Variants in GOLGA5 observed in about 807,000 individuals in gnomAD.
GOLGA5 encodes the protein golgin subfamily A member 5.
GOLGA5 carries 50 observed loss-of-function variants against 93.5 expected under a neutral mutation model. The observed-to-expected ratio is 0.53, with a 90% CI of 0.43 to 0.68. GOLGA5 has a LOEUF of 0.68. Ranked by LOEUF, GOLGA5 falls within the 30% of genes least tolerant of loss-of-function variation. The pLI is 0.00. For synonymous variants in GOLGA5, 312 were observed against 304.5 expected (o/e 1.02, Z -0.26); for missense variants, 760 against 856.4 (o/e 0.89, Z 1.40).
rs573418798 is a variant in GOLGA5, at chr14:92,839,586, C to CAA, written c.*141_*142dup. ...GCTTTTAACTTTTTAAGTTATTGTA[C>CAA]AAGTATTCTACCTAAATCTTCCAAT... is the stretch of plus-strand genomic sequence containing the variant. On this transcript the variant is annotated 3_prime_UTR_variant, in exon 13 of 13. Coordinates refer to ENST00000163416, the MANE Select transcript of GOLGA5 (RefSeq NM_005113.4). 3.2e-3 allele frequency: 1,971 copies of CAA among 615,272 alleles called. 10 individuals are homozygous for CAA. The highest frequency in any genetic ancestry group is 8.6e-3 in the South Asian group (428 of 49,704). 38.1% of individuals were successfully genotyped at this position (615,272 alleles called of 1,614,324 possible).
chr14:92,822,521 A>T (rs1212781749), intron 8 of GOLGA5, among the ~76,000 whole-genome samples: 2 of 152,226 alleles, frequency 1.3e-5, no homozygotes, highest in Non-Finnish European at 2.9e-5. Flanking sequence ...GCATTAGTGC[A>T]GTTGTTAATG....
chr14:92,800,048 G>A (rs1884835724), intron 2 of GOLGA5, among the ~76,000 whole-genome samples: 1 of 152,136 alleles, frequency 6.6e-6, no homozygotes, highest in African/African-American at 2.4e-5. Context: ...AAGACGTTTT[G>A]GGTTGTGAAA....
chr14:92,795,456 G>A (rs2140308343), intron 1 of GOLGA5, among the ~76,000 whole-genome samples: 1 of 152,330 alleles, frequency 6.6e-6, no homozygotes, highest in East Asian at 1.9e-4. Context: ...TTGAGTATCT[G>A]AGCTGCTGTC....
chr14:92,813,240 T>C (rs1187187027), intron 6 of GOLGA5, among the ~76,000 whole-genome samples: 1 of 152,224 alleles, frequency 6.6e-6, no homozygotes, highest in Non-Finnish European at 1.5e-5. Flanking sequence ...AAGTTACTTA[T>C]TGAGCACCTA....
At chr14:92,799,443 ATTTTT>A (rs386382181) in intron 2 of GOLGA5, among the ~76,000 whole-genome samples, 2 of 131,254 alleles carry the variant, frequency 1.5e-5, no homozygotes, top group East Asian at 4.4e-4. Flanking sequence ...CGCCTGGCTA[ATTTTT>A]TTTTTTTTTT....
Position 92,837,446 on chromosome 14 carries a change from T to C in GOLGA5, c.2112T>C (p.Tyr704=). 1.5e-6 allele frequency: 2 copies of C among 1,331,490 alleles called. No individual in the cohort carries two copies. Among genetic ancestry groups the C allele is most frequent in the Non-Finnish European group, 2.2e-6 (2 of 927,248 alleles). 82.5% of individuals were successfully genotyped at this position (1,331,490 alleles called of 1,614,324 possible). A position where few individuals can be genotyped will look rare whatever the true frequency, so the allele number is the denominator to read the frequency against. Residue 704 remains tyrosine, a synonymous_variant, in exon 12 of 13, where the codon TAT becomes TAC. Transcript: ENST00000163416. ...YPIARVFVII[Y]MALLHLWVMI... is the part of the protein sequence containing the mutation. ...TAGCGCGAGTTTTTGTAATTATATA[T>C]ATGGTAAGTAAATTTATTTGAAAAA...
rs781023627 is a variant in GOLGA5, at chr14:92,833,215, C to G, written c.1813C>G (p.Leu605Val). 6.2e-7 allele frequency: 1 copy of G among 1,612,990 alleles called. No homozygotes were observed. Among genetic ancestry groups the G allele is most frequent in the South Asian group, 1.1e-5 (1 of 91,058 alleles). ...TETLIQKQTM[L>V]ESLSTEKNSL... ...GACTCTCATCCAGAAACAGACCATGCTGGAGAGTCTCAGCACAGAAAAGAA... is the reference window on the plus strand; with the variant it reads ...GACTCTCATCCAGAAACAGACCATGGTGGAGAGTCTCAGCACAGAAAAGAA... Residue 605 changes from leucine to valine, a missense_variant, in exon 10 of 13, where the codon CTG (leucine) becomes GTG (valine). By Grantham distance (32) the Leu-to-Val change is conservative. Transcript: ENST00000163416.
At chr14:92,819,659 T>G (rs1295464199) in intron 7 of GOLGA5, 49 bp from the exon 8 acceptor site, 1 of 1,582,502 alleles carries the variant, frequency 6.3e-7, no homozygotes, top group Non-Finnish European at 8.7e-7. Context: ...CAATAAATGT[T>G]GAACTGAATG....
intron 5 of GOLGA5, 155 bp downstream of exon 5, chr14:92,810,532 C>T: frequency 2.0e-6 from 1 of 490,754 alleles, no homozygotes; most frequent in Non-Finnish European, 3.5e-6. Context: ...GAAAATTTAG[C>T]TTGATCCTTG....
intron 2 of GOLGA5, among the ~76,000 whole-genome samples, chr14:92,805,485 T>C (rs1461051915): frequency 6.6e-6 from 1 of 152,238 alleles, no homozygotes; most frequent in Non-Finnish European, 1.5e-5. Flanking sequence ...GCAAATGTTT[T>C]CATTTCTCTT....
At chr14:92,815,546 G>C (rs547847572) in intron 6 of GOLGA5, among the ~76,000 whole-genome samples, 2 of 152,196 alleles carry the variant, frequency 1.3e-5, no homozygotes, top group South Asian at 4.1e-4. Context: ...TGTGAGAAAA[G>C]TCTTGTTTGG....
intron 1 of GOLGA5, among the ~76,000 whole-genome samples, chr14:92,795,516 G>T (rs953948536): frequency 6.6e-6 from 1 of 152,150 alleles, no homozygotes; most frequent in African/African-American, 2.4e-5. Flanking sequence ...TTAAAAAAAG[G>T]ATATTGCTGT....
intron 8 of GOLGA5, among the ~76,000 whole-genome samples, chr14:92,821,351 T>C (rs1885313932): frequency 6.6e-6 from 1 of 152,222 alleles, no homozygotes; most frequent in South Asian, 2.1e-4. Context: ...CATTGTTCAA[T>C]TAGCAGTTGC....
chr14:92,833,050 TGTA>T (rs1595604972), intron 9 of GOLGA5, 69 bp from the exon 10 acceptor site: 4 of 823,116 alleles, frequency 4.9e-6, no homozygotes, highest in Non-Finnish European at 6.3e-6. Flanking sequence ...CCTATGAAAA[TGTA>T]GTAGTGTGAT....
Position 92,810,362 on chromosome 14 carries a change from C to G in GOLGA5, c.1101C>G (p.Ser367Arg), listed in dbSNP as rs2140319772. Reference protein sequence around the residue: ...ADATLKREQESYKQMQSEFAA... With the variant: ...ADATLKREQERYKQMQSEFAA... ...CCACTCTGAAGAGAGAGCAGGAGAG[C>G]TATAAACAGATGCAGGTTAGAATGA... The change falls in exon 5 of 13, where the codon AGC becomes AGG. Residue 367 changes from serine (S) to arginine (R), a missense_variant. Physicochemically the swap from Ser to Arg is moderately radical, Grantham distance 110. Coordinates refer to ENST00000163416, the MANE Select transcript of GOLGA5 (RefSeq NM_005113.4). The G allele has an allele frequency of 6.3e-7, 1 of 1,586,520 alleles. No homozygotes were observed. The highest frequency in any genetic ancestry group is 8.5e-7 in the Non-Finnish European group (1 of 1,169,988).
intron 1 of GOLGA5, 131 bp downstream of exon 1, chr14:92,794,587 AG>A (rs1338480931): frequency 6.6e-6 from 1 of 152,370 alleles, no homozygotes; most frequent in Non-Finnish European, 1.5e-5. Flanking sequence ...TCGCCCTGTT[AG>A]GGGCTGAGGA....
At chr14:92,801,735 C>CTTTTTTT (rs11388778) in intron 2 of GOLGA5, among the ~76,000 whole-genome samples, 1 of 143,258 alleles carries the variant, frequency 7.0e-6, no homozygotes. Context: ...TTCCCTTTTT[C>CTTTTTTT]TTTTTTTTTT....
chr14:92,806,073 G>A (rs998377316), intron 2 of GOLGA5, among the ~76,000 whole-genome samples: 2 of 149,326 alleles, frequency 1.3e-5, no homozygotes, highest in African/African-American at 5.0e-5. Flanking sequence ...CAATTTTTCA[G>A]TATTTGAGAC....
rs1238927983 is a variant in GOLGA5 at position 92,797,949 on chromosome 14, T to C, written c.512T>C (p.Ile171Thr). The stretch of plus-strand genomic sequence containing the variant: ...CCCAGTGTAACCACCATCAAAACCA[T>C]TGAAGAAAATTCTTTTGGGAGCCAA... ...VNPSVTTIKT[I>T]EENSFGSQTH... The change falls in exon 2 of 13, where the codon ATT becomes ACT. Residue 171 changes from isoleucine (I) to threonine (T), a missense_variant. Ile to Thr is a moderately conservative substitution (Grantham distance 89). Transcript: ENST00000163416. 1.9e-6 allele frequency: 3 copies of C among 1,589,854 alleles called. No homozygotes were observed. The highest frequency in any genetic ancestry group is 4.5e-5 in the East Asian group (2 of 44,786).
Sources: allele counts gnomAD v4.1 joint callset (sites outside exome capture counted in the v4.1 genomes callset), GRCh38; gene constraint gnomAD v4.1.1; transcripts MANE v1.5; gene names NCBI Gene and HGNC (gene_info 2026-07-23, HGNC 2026-07-21).